MMS22L: variants seen among roughly 807,000 people sequenced by gnomAD.
The protein encoded by MMS22L is protein MMS22-like.
Under a neutral mutation model 159.1 loss-of-function variants are expected in MMS22L, and 74 were observed. That is an observed-to-expected ratio of 0.47 (90% confidence interval 0.39 to 0.56). The LOEUF is 0.56. Ranked by LOEUF, MMS22L falls within the 20% of genes least tolerant of loss-of-function variation. MMS22L has a pLI of 0.00. For missense variants in MMS22L, 1,351 were observed against 1,422.1 expected, an observed-to-expected ratio of 0.95 and a Z score of 0.80; for synonymous variants, 517 against 506.9, an observed-to-expected ratio of 1.02 and a Z score of -0.27.
intron 14 of MMS22L, among the ~76,000 whole-genome samples, chr6:97,199,434 G>A (rs1182627971): frequency 6.6e-6 from 1 of 152,106 alleles, no homozygotes; most frequent in Non-Finnish European, 1.5e-5. Flanking sequence ...TATTGAAAAT[G>A]TCCAGTCTCT....
chr6:97,192,179 T>C (rs1421359333), intron 14 of MMS22L, among the ~76,000 whole-genome samples: 4 of 139,792 alleles, frequency 2.9e-5, no homozygotes, highest in East Asian at 2.5e-4. Context: ...GATGGATGGA[T>C]GGATGGATGG....
rs1215830409 is a variant in MMS22L at position 97,283,193 on chromosome 6, A to ACCGCGCGC, written c.-182_-175dup. 1.3e-5 allele frequency: 2 copies of ACCGCGCGC among 152,220 alleles called. No homozygotes were observed. The highest frequency in any genetic ancestry group is 2.4e-5 in the African/African-American group (1 of 41,444). The allele number at this position is 152,220 out of a possible 1,614,324, so 9.4% of individuals were successfully genotyped here. ...ACCGCAAACAGGCGAAATTCCCGCC[A>ACCGCGCGC]CCGCGCGCCCGCGCTCCGGAAAGGC... is the stretch of plus-strand genomic sequence containing the variant. On this transcript the variant is annotated 5_prime_UTR_variant, in exon 1 of 25. Coordinates refer to ENST00000683635, the MANE Select transcript of MMS22L (RefSeq NM_001350599.2).
At chr6:97,218,865 C>A (rs1292732579) in intron 14 of MMS22L, among the ~76,000 whole-genome samples, 1 of 152,154 alleles carries the variant, frequency 6.6e-6, no homozygotes, top group Non-Finnish European at 1.5e-5. Flanking sequence ...GAAGCAAGGA[C>A]CCCTGAATTG....
In MMS22L at chr6:97,189,603, A is replaced by G. The variant is rs866861974; in HGVS notation, c.2040-2913T>C. ...AAGAATAATTAATTAAAAAAAAAAA[A>G]CCATTGTGAGGTAAAAAATTTTAAA... On this transcript the variant is annotated intron_variant, in intron 14 of 24. Transcript: ENST00000683635. Among the ~76,000 whole-genome samples the G allele has an allele frequency of 9.3e-5, 14 of 150,304 alleles. No individual in the cohort carries two copies. In the South Asian group the frequency reaches 2.9e-3, roughly 32 times the overall value.
intron 14 of MMS22L, among the ~76,000 whole-genome samples, chr6:97,220,335 C>G (rs1165034254): frequency 5.9e-5 from 9 of 152,144 alleles, no homozygotes; most frequent in Non-Finnish European, 1.3e-4. Context: ...GTGAAATTTT[C>G]TACTGTGTCT....
intron 22 of MMS22L, among the ~76,000 whole-genome samples, chr6:97,154,055 G>A (rs987601931): frequency 3.3e-5 from 5 of 152,104 alleles, no homozygotes; most frequent in African/African-American, 9.7e-5. Flanking sequence ...ATTATCCAAA[G>A]TAGCAACATG....
chr6:97,245,846 T>TACAG (rs1812560686), intron 11 of MMS22L: 1 of 88,970 alleles, frequency 1.1e-5, no homozygotes, highest in African/African-American at 4.9e-5. Flanking sequence ...ACATAGCTAC[T>TACAG]ACAGACACAC....
chr6:97,272,148 G>C (rs1815809463), intron 6 of MMS22L: 1 of 152,086 alleles, frequency 6.6e-6, no homozygotes, highest in Non-Finnish European at 1.5e-5. Context: ...CTATAAGCTA[G>C]GCACGGTAAC....
intron 22 of MMS22L, among the ~76,000 whole-genome samples, chr6:97,152,235 T>G (rs1801390598): frequency 1.3e-5 from 2 of 152,062 alleles, no homozygotes; most frequent in African/African-American, 2.4e-5. Flanking sequence ...GGCAGATTGA[T>G]TTTTTAAAAA....
intron 9 of MMS22L, among the ~76,000 whole-genome samples, 177 bp from the exon 10 acceptor site, chr6:97,254,910 C>T (rs990058378): frequency 6.6e-6 from 1 of 152,034 alleles, no homozygotes; most frequent in Non-Finnish European, 1.5e-5. Context: ...TTTAGAAGTA[C>T]CTTACAGGTC....
intron 19 of MMS22L, 73 bp downstream of exon 19, chr6:97,172,990 T>TA: frequency 7.0e-7 from 1 of 1,419,318 alleles, no homozygotes; most frequent in Non-Finnish European, 9.6e-7. Context: ...AGCCAATATA[T>TA]ACCTATCCAT....
chr6:97,282,269 T>A (rs1465295595), intron 2 of MMS22L, 45 bp downstream of exon 2: 9 of 1,585,112 alleles, frequency 5.7e-6, no homozygotes, highest in Non-Finnish European at 7.7e-6. Flanking sequence ...CCTAAAAAAC[T>A]GGTGAATAAT....
intron 15 of MMS22L, among the ~76,000 whole-genome samples, chr6:97,185,424 C>A (rs747226838): frequency 2.0e-5 from 3 of 152,024 alleles, no homozygotes; most frequent in Non-Finnish European, 4.4e-5. Flanking sequence ...ATTTATATAC[C>A]ATTTATCTTC....
intron 14 of MMS22L, among the ~76,000 whole-genome samples, chr6:97,197,853 A>C (rs1806706692): frequency 6.6e-6 from 1 of 152,190 alleles, no homozygotes; most frequent in African/African-American, 2.4e-5. Context: ...GCCAATAATT[A>C]CTATGATATT....
intron 14 of MMS22L, among the ~76,000 whole-genome samples, chr6:97,191,152 A>G (rs1408739009): frequency 1.3e-5 from 2 of 152,064 alleles, no homozygotes; most frequent in Non-Finnish European, 1.5e-5. Flanking sequence ...CCACACAGAT[A>G]CCTTATCCCC....
At chr6:97,205,397 T>C (rs1582607908) in intron 14 of MMS22L, among the ~76,000 whole-genome samples, 1 of 152,208 alleles carries the variant, frequency 6.6e-6, no homozygotes, top group South Asian at 2.1e-4. Context: ...CTAAGTTCTA[T>C]GGCTACACAA....
Position 97,281,311 on chromosome 6 carries a change from C to A in MMS22L, c.216G>T (p.Leu72Phe), listed in dbSNP as rs1367165066. 1.9e-6 allele frequency: 3 copies of A among 1,609,512 alleles called. No homozygotes were observed. The highest frequency in any genetic ancestry group is 2.5e-6 in the Non-Finnish European group (3 of 1,177,992). Residue 72 changes from leucine to phenylalanine, a missense_variant, in exon 3 of 25, where the codon TTG becomes TTT. Transcript: ENST00000683635. ...PLPTNFEEDT[L>F]EIFGIQWVTE... ...TAACCCACTGAATGCCAAATATTTC[C>A]AAGGTATCTTCTTCAAAATTAGTTG...
rs534834990 is a variant in MMS22L at position 97,149,820 on chromosome 6, C to G, written c.3650+33G>C. 53 of 1,504,916 alleles carry G rather than the reference C, an allele frequency of 3.5e-5. No individual in the cohort carries two copies. The East Asian group carries it at 1.1e-3, about 31-fold the overall frequency. The allele number at this position is 1,504,916 out of a possible 1,614,324, so 93.2% of individuals were successfully genotyped here. ...TGAAATATAAATTTTATAATCACTG[C>G]CCCCCCCAATGTAATTAAATTATCA... On this transcript the variant is annotated intron_variant, in intron 24 of 24. Transcript: ENST00000683635.
chr6:97,216,114 C>T lies in MMS22L; in HGVS notation c.2039+12780G>A, dbSNP rs575768375. Among the ~76,000 whole-genome samples, 16 of 152,262 alleles carry T rather than the reference C, an allele frequency of 1.1e-4. No homozygotes were observed. The East Asian group carries it at 2.3e-3, about 22-fold the overall frequency. On this transcript the variant is annotated intron_variant, in intron 14 of 24. Transcript: ENST00000683635. ...GGCGGATGAAGAAAGCTAAGAACTG[C>T]TTCCCATAAACAATATGGTGGCAAC...
Sources: gnomAD v4.1 joint callset for allele counts (sites outside exome capture counted in the v4.1 genomes callset) on GRCh38, gnomAD v4.1.1 for gene constraint, MANE v1.5 for transcripts, NCBI Gene and HGNC (gene_info 2026-07-23, HGNC 2026-07-21) for gene names.